KCTD20: variants seen among roughly 807,000 people sequenced by gnomAD.
KCTD20 encodes the protein BTB/POZ domain-containing protein KCTD20.
A neutral mutation model predicts 39.6 loss-of-function variants in KCTD20; 30 were observed. The observed-to-expected ratio is 0.76, with a 90% CI of 0.57 to 1.03. The LOEUF (loss-of-function observed/expected upper bound fraction) is 1.03. KCTD20 is among the 50% of genes least tolerant of loss of function. The probability of loss-of-function intolerance (pLI) is 0.00; values close to 1 mark genes in which losing one functional copy is unlikely to be tolerated. For missense variants in KCTD20, 422 were observed against 522.0 expected, an observed-to-expected ratio of 0.81 and a Z score of 1.87; for synonymous variants, 162 against 180.6, an observed-to-expected ratio of 0.90 and a Z score of 0.83.
rs1775860304 is a variant in KCTD20, at chr6:36,469,821, GATAAAA to G, written c.-46-230_-46-225del. 3.3e-5 allele frequency among the ~76,000 whole-genome samples: 5 copies of G among 152,230 alleles called. No homozygotes were observed. The South Asian group carries it at 6.2e-4, about 19-fold the overall frequency. ...TCAGTGAATTTGATGTCTGTTCATGGATAAAATTATTCCCTGGTAACAAGTTTATCT... is the reference window on the plus strand; with the variant it reads ...TCAGTGAATTTGATGTCTGTTCATGGTTATTCCCTGGTAACAAGTTTATCT... On this transcript the variant is annotated intron_variant, in intron 1 of 7. Coordinates refer to ENST00000373731, the MANE Select transcript of KCTD20 (RefSeq NM_173562.5). The surrounding 1 kb of genome is among the most constrained non-coding windows in gnomAD (Gnocchi z 4.6).
Position 36,450,745 on chromosome 6 carries a change from T to G in KCTD20, c.-47+7634T>G, listed in dbSNP as rs9368932. On this transcript the variant is annotated intron_variant, in intron 1 of 7. Transcript: ENST00000373731. ...TTGAAAAACTATTCCATACATTAACTTAAATTCCTAATTCATCTATTAAGC... is the reference window on the plus strand; with the variant it reads ...TTGAAAAACTATTCCATACATTAACGTAAATTCCTAATTCATCTATTAAGC... Among the ~76,000 whole-genome samples, 3 of 152,320 alleles carry G rather than the reference T, an allele frequency of 2.0e-5. No individual in the cohort carries two copies. The East Asian group carries it at 5.8e-4, about 29-fold the overall frequency.
chr6:36,476,896 A>G (rs1357225658), intron 3 of KCTD20, among the ~76,000 whole-genome samples: 2 of 152,144 alleles, frequency 1.3e-5, no homozygotes, highest in African/African-American at 4.8e-5. Flanking sequence ...CACCCCCTGA[A>G]AAAAGTGTTT....
intron 1 of KCTD20, among the ~76,000 whole-genome samples, chr6:36,454,029 C>G (rs1407369603): frequency 6.6e-6 from 1 of 152,140 alleles, no homozygotes; most frequent in Non-Finnish European, 1.5e-5. Flanking sequence ...CCACTGTGTT[C>G]AGAGAACATA....
intron 3 of KCTD20, among the ~76,000 whole-genome samples, chr6:36,478,250 G>A (rs1776133560): frequency 6.6e-6 from 1 of 152,196 alleles, no homozygotes; most frequent in Non-Finnish European, 1.5e-5. Context: ...GAAGATAGCA[G>A]CTGCCTGCCC....
chr6:36,471,150 CA>C (rs57194798), intron 2 of KCTD20, among the ~76,000 whole-genome samples: 5,697 of 138,356 alleles, frequency 0.041, 150 homozygotes, highest in Non-Finnish European at 0.058. Flanking sequence ...GACTGTGTCT[CA>C]AAAAAAAAAA....
At chr6:36,486,841 G>A in intron 7 of KCTD20, 42 bp from the exon 8 acceptor site, 2 of 1,519,622 alleles carry the variant, frequency 1.3e-6, no homozygotes, top group Non-Finnish European at 1.8e-6. Context: ...ACCAGAGTGA[G>A]CACAATTTGT....
intron 1 of KCTD20, among the ~76,000 whole-genome samples, chr6:36,459,979 G>A (rs1188156999): frequency 3.3e-5 from 5 of 152,104 alleles, no homozygotes; most frequent in Non-Finnish European, 1.5e-5. Flanking sequence ...ATATCCCTTG[G>A]ATTTCCTAGA....
intron 1 of KCTD20, among the ~76,000 whole-genome samples, chr6:36,445,078 C>A (rs1441757148): frequency 6.6e-6 from 1 of 151,966 alleles, no homozygotes; most frequent in Non-Finnish European, 1.5e-5. Flanking sequence ...CCTGGCCAAC[C>A]TGGTGAAACC....
intron 1 of KCTD20, among the ~76,000 whole-genome samples, chr6:36,457,485 A>G (rs1445761917): frequency 6.6e-6 from 1 of 152,130 alleles, no homozygotes; most frequent in Non-Finnish European, 1.5e-5. Flanking sequence ...AGGTGGGATG[A>G]TTGCTTGAGC....
Position 36,469,205 on chromosome 6 carries a change from T to A in KCTD20, c.-46-847T>A, listed in dbSNP as rs981146047. On this transcript the variant is annotated intron_variant, in intron 1 of 7. Coordinates refer to ENST00000373731, the MANE Select transcript of KCTD20 (RefSeq NM_173562.5). This position sits in a 1 kb window ranked among gnomAD's most constrained non-coding sequence, Gnocchi z 4.6. ...CTTCCACCAGAATGCCAGTGGAAAT[T>A]TGTACAGTGTAAACTGTGAAAGTGC... Among the ~76,000 whole-genome samples the A allele has an allele frequency of 1.3e-5, 2 of 152,196 alleles. No homozygotes were observed. Among genetic ancestry groups the A allele is most frequent in the Non-Finnish European group, 2.9e-5 (2 of 68,028 alleles).
chr6:36,483,478 CT>C (rs1776325387), intron 6 of KCTD20, among the ~76,000 whole-genome samples: 2 of 152,030 alleles, frequency 1.3e-5, no homozygotes, highest in Admixed American at 1.3e-4. Flanking sequence ...CTCCCAAGTG[CT>C]GGGATTGCAG....
chr6:36,481,293 A>ATATT (rs1358510620), intron 5 of KCTD20, among the ~76,000 whole-genome samples: 2 of 132,622 alleles, frequency 1.5e-5, no homozygotes, highest in African/African-American at 6.5e-5. Context: ...TATAGGATTA[A>ATATT]CATGGTCTGA....
intron 1 of KCTD20, among the ~76,000 whole-genome samples, chr6:36,452,064 G>T (rs538368091): frequency 6.6e-6 from 1 of 152,272 alleles, no homozygotes; most frequent in African/African-American, 2.4e-5. Flanking sequence ...GCCCACCTTG[G>T]CCTCCCAAAG....
chr6:36,475,005 C>T lies in KCTD20; in HGVS notation c.377C>T (p.Thr126Ile), dbSNP rs1202067716. The T allele has an allele frequency of 6.2e-7, 1 of 1,613,960 alleles. No individual in the cohort carries two copies. The highest frequency in any genetic ancestry group is 1.3e-5 in the African/African-American group (1 of 74,904). Residue 126 changes from threonine (T) to isoleucine (I), a missense_variant, in exon 3 of 8, where the codon ACA becomes ATA. Physicochemically the swap from Thr to Ile is moderately conservative, Grantham distance 89. Coordinates refer to ENST00000373731, the MANE Select transcript of KCTD20 (RefSeq NM_173562.5). ...PEKVTLLVDG[T>I]RFVVNPQIFT... ...AAAGTGACGCTTCTTGTAGATGGCA[C>T]ACGTTTTGTTGTGAATCCACAGATT...
chr6:36,450,895 T>A (rs1775233019), intron 1 of KCTD20: 1 of 152,260 alleles, frequency 6.6e-6, no homozygotes, highest in Non-Finnish European at 1.5e-5. Flanking sequence ...ATTTATTTTA[T>A]CTTATTTTAC....
intron 6 of KCTD20, among the ~76,000 whole-genome samples, chr6:36,482,652 G>A (rs1018624289): frequency 1.0e-4 from 10 of 96,164 alleles, no homozygotes; most frequent in South Asian, 3.4e-4. Context: ...ATTATTGGAC[G>A]TTTAAACTAT....
At chr6:36,485,168 G>C (rs1776378322) in intron 7 of KCTD20, among the ~76,000 whole-genome samples, 1 of 152,106 alleles carries the variant, frequency 6.6e-6, no homozygotes, top group Non-Finnish European at 1.5e-5. Context: ...CTGGTATCTG[G>C]AAGGGTCCTT....
Position 36,454,146 on chromosome 6 carries a change from T to C in KCTD20, c.-47+11035T>C, listed in dbSNP as rs151254346. On this transcript the variant is annotated intron_variant, in intron 1 of 7. Transcript: ENST00000373731. ...TACTTGCAAAAGAATTACTCTGCAA[T>C]TGGGTGCAAATTTGGTTAATTTATG... is the stretch of plus-strand genomic sequence containing the variant. 6.3e-3 allele frequency among the ~76,000 whole-genome samples: 967 copies of C among 152,308 alleles called. 12 individuals are homozygous for C. The highest frequency in any genetic ancestry group is 0.022 in the African/African-American group (929 of 41,574).
intron 7 of KCTD20, 76 bp from the exon 8 acceptor site, chr6:36,486,807 G>C: frequency 8.4e-7 from 1 of 1,195,636 alleles, no homozygotes; most frequent in South Asian, 1.4e-5. Context: ...AAACTGATGT[G>C]GTTAGGAAGG....
Sources: gnomAD v4.1 joint callset for allele counts (sites outside exome capture counted in the v4.1 genomes callset) on GRCh38, gnomAD v4.1.1 for gene constraint, Gnocchi (gnomAD v3.1) non-coding constraint, MANE v1.5 for transcripts, NCBI Gene and HGNC (gene_info 2026-07-23, HGNC 2026-07-21) for gene names.